GTPBP1: variants seen among roughly 807,000 people sequenced by gnomAD.
GTPBP1 encodes the protein GTP binding protein 1.
A neutral mutation model predicts 62.0 loss-of-function variants in GTPBP1; 23 were observed. That is an observed-to-expected ratio of 0.37 (90% CI 0.27 to 0.53). GTPBP1 has a LOEUF of 0.53. GTPBP1 is among the 20% of genes least tolerant of loss of function. The pLI, the probability that GTPBP1 is intolerant of heterozygous loss-of-function variation, is 0.89. For missense variants in GTPBP1, 640 were observed against 917.3 expected (o/e 0.70, Z 3.90); for synonymous variants, 344 against 364.4 (o/e 0.94, Z 0.64).
chr22:38,727,359 A>C lies in GTPBP1; in HGVS notation c.1537+11A>C. On this transcript the variant is annotated intron_variant, in intron 9 of 11. Coordinates refer to ENST00000216044, the MANE Select transcript of GTPBP1 (RefSeq NM_004286.5). The surrounding 1 kb of genome is among the most constrained non-coding windows in gnomAD (Gnocchi z 6.5). ...GCTACCAGGCCATGGGTAGGTGTCT[A>C]AGGCCCTGCCAGCCCAGGAGGCCGT... 1.3e-6 allele frequency: 2 copies of C among 1,545,032 alleles called. No individual in the cohort carries two copies. The highest frequency in any genetic ancestry group is 1.7e-6 in the Non-Finnish European group (2 of 1,143,808).
intron 6 of GTPBP1, among the ~76,000 whole-genome samples, chr22:38,724,818 GT>G (rs1226180880): frequency 1.3e-5 from 2 of 152,158 alleles, no homozygotes; most frequent in Non-Finnish European, 2.9e-5. Context: ...TTGTAACTCA[GT>G]TTTTTATACT....
chr22:38,709,387 G>T (rs954151498), intron 2 of GTPBP1, among the ~76,000 whole-genome samples: 2 of 152,170 alleles, frequency 1.3e-5, no homozygotes, highest in Admixed American at 6.5e-5. Flanking sequence ...AGTGTCTGCA[G>T]AACTGTTTGG....
At chr22:38,712,937 A>C (rs753346108) in intron 2 of GTPBP1, among the ~76,000 whole-genome samples, 2 of 152,218 alleles carry the variant, frequency 1.3e-5, no homozygotes, top group Non-Finnish European at 2.9e-5. Context: ...ATTTGAGGAA[A>C]GGCACTGGTT....
chr22:38,739,786 C>G (rs2092838377), downstream of GTPBP1: 3 of 1,613,538 alleles, frequency 1.9e-6, no homozygotes, highest in Admixed American at 1.7e-5. The surrounding 1 kb of genome is among the most constrained non-coding windows in gnomAD (Gnocchi z 6.7). Flanking sequence ...CGCGGCTTCC[C>G]TGGCCGACTT....
In GTPBP1 at chr22:38,730,548, C is replaced by T. The variant is rs1338283652; in HGVS notation, c.1918-64C>T. 3 of 1,110,382 alleles carry T rather than the reference C, an allele frequency of 2.7e-6. No homozygotes were observed. Among genetic ancestry groups the T allele is most frequent in the African/African-American group, 1.5e-5 (1 of 65,688 alleles). The allele number at this position is 1,110,382 out of a possible 1,614,324, so 68.8% of individuals were successfully genotyped here. A position where few individuals can be genotyped will look rare whatever the true frequency, so the allele number is the denominator to read the frequency against. ...GTCCCTGTCTCCCCGCTGCTCAGCACCTCTGCTCTCTGGCCCTGCTCCTGA... is the reference window on the plus strand; with the variant it reads ...GTCCCTGTCTCCCCGCTGCTCAGCATCTCTGCTCTCTGGCCCTGCTCCTGA... On this transcript the variant is annotated intron_variant, in intron 11 of 11. Transcript: ENST00000216044. This position sits in a 1 kb window ranked among gnomAD's most constrained non-coding sequence, Gnocchi z 5.6.
Position 38,706,026 on chromosome 22 carries a change from G to A in GTPBP1, c.71G>A (p.Ser24Asn). ...VPASMFAPEP[S>N]SPGAARAAAA... ...GCCTCTATGTTCGCCCCCGAGCCCAGCTCCCCGGGGGCGGCCAGGGCCGCG... is the reference window on the plus strand; with the variant it reads ...GCCTCTATGTTCGCCCCCGAGCCCAACTCCCCGGGGGCGGCCAGGGCCGCG... Residue 24 changes from serine to asparagine, a missense_variant, in exon 1 of 12, where the codon AGC becomes AAC. Physicochemically the swap from Ser to Asn is conservative, Grantham distance 46 (BLOSUM62 1). This residue lies in a region of GTPBP1 where 215 missense variants were observed against 235.1 expected (regional missense o/e 0.91). Coordinates refer to ENST00000216044, the MANE Select transcript of GTPBP1 (RefSeq NM_004286.5). 1 of 1,415,428 alleles carries A rather than the reference G, an allele frequency of 7.1e-7. No homozygotes were observed. The highest frequency in any genetic ancestry group is 9.2e-7 in the Non-Finnish European group (1 of 1,084,376). The allele number at this position is 1,415,428 out of a possible 1,614,324, so 87.7% of individuals were successfully genotyped here.
Position 38,733,148 on chromosome 22 carries a change from C to A in GTPBP1, c.*2444C>A. On this transcript the variant is annotated 3_prime_UTR_variant, in exon 12 of 12. Coordinates refer to ENST00000216044, the MANE Select transcript of GTPBP1 (RefSeq NM_004286.5). The stretch of plus-strand genomic sequence containing the variant: ...TCCTCTGTCTCTTGGCTGCTTCACT[C>A]CTGCTCTTTGTCCCGACTCTGGCCC... The A allele has an allele frequency of 6.6e-6, 1 of 152,320 alleles. No individual in the cohort carries two copies. The highest frequency in any genetic ancestry group is 1.9e-4 in the East Asian group (1 of 5,200). 9.4% of individuals were successfully genotyped at this position (152,320 alleles called of 1,614,324 possible).
At position 38,722,954 on chromosome 22, in the gene GTPBP1, G is replaced by A. The variant is rs141781795; in HGVS notation, c.958+1089G>A. 5.4e-6 allele frequency: 5 copies of A among 923,160 alleles called. No individual in the cohort carries two copies. In the African/African-American group the frequency reaches 6.5e-5, roughly 12 times the overall value. The allele number at this position is 923,160 out of a possible 1,614,324, so 57.2% of individuals were successfully genotyped here. On this transcript the variant is annotated intron_variant, in intron 5 of 11. Transcript: ENST00000216044. ...TGACTCCATTGGGGTCAGTTATGAA[G>A]AGACCTCTTAGTGCAAGACCAGAAC...
downstream of GTPBP1, chr22:38,739,952 A>G: frequency 1.9e-6 from 3 of 1,608,248 alleles, no homozygotes; most frequent in Non-Finnish European, 2.5e-6. This position sits in a 1 kb window ranked among gnomAD's most constrained non-coding sequence, Gnocchi z 6.7. Flanking sequence ...ACCTATAGGA[A>G]CCCAAAGGGG....
At chr22:38,721,961 C>CTTCTT in intron 5 of GTPBP1, 96 bp downstream of exon 5, 1 of 763,800 alleles carries the variant, frequency 1.3e-6, no homozygotes, top group Non-Finnish European at 1.9e-6. Flanking sequence ...AGCCCAGAAA[C>CTTCTT]TTCTTTTCTT....
At chr22:38,740,199 G>T, downstream of GTPBP1, 1 of 1,455,912 alleles carries the variant, frequency 6.9e-7, no homozygotes, top group Non-Finnish European at 9.1e-7. This position sits in a 1 kb window ranked among gnomAD's most constrained non-coding sequence, Gnocchi z 4.8. Flanking sequence ...CTGCTTTGCA[G>T]GCCCCAGGAC....
intron 2 of GTPBP1, among the ~76,000 whole-genome samples, chr22:38,712,600 T>C (rs1284365543): frequency 6.6e-6 from 1 of 152,242 alleles, no homozygotes; most frequent in Non-Finnish European, 1.5e-5. Flanking sequence ...ATGTGGCCTT[T>C]AGTAATTGGA....
chr22:38,723,731 A>G (rs2092712897), intron 5 of GTPBP1, among the ~76,000 whole-genome samples: 1 of 152,188 alleles, frequency 6.6e-6, no homozygotes, highest in Non-Finnish European at 1.5e-5. Flanking sequence ...GTTGGGCTCT[A>G]CCAGCTAAGC....
Position 38,726,234 on chromosome 22 carries a change from A to G in GTPBP1, c.1219-24A>G. ...GGTCTGTGCTGGGGATGCACTTATG[A>G]GGCCAGGGTCTTCTCCTTGGCAGGG... On this transcript the variant is annotated intron_variant, in intron 7 of 11. Transcript: ENST00000216044. The surrounding 1 kb of genome is among the most constrained non-coding windows in gnomAD (Gnocchi z 4.1). 1 of 1,612,760 alleles carries G rather than the reference A, an allele frequency of 6.2e-7. No individual in the cohort carries two copies. Among genetic ancestry groups the G allele is most frequent in the South Asian group, 1.1e-5 (1 of 91,022 alleles).
chr22:38,730,724 TCACC>T lies in GTPBP1; in HGVS notation c.*21_*24del. ...TGCTGAACCTTCCCCTGGCCCACCC[TCACC>T]ACCCAAGGGGTCATCATCTCTGGCC... is the stretch of plus-strand genomic sequence containing the variant. On this transcript the variant is annotated 3_prime_UTR_variant, in exon 12 of 12. Coordinates refer to ENST00000216044, the MANE Select transcript of GTPBP1 (RefSeq NM_004286.5). This position sits in a 1 kb window ranked among gnomAD's most constrained non-coding sequence, Gnocchi z 5.6. 7.1e-7 allele frequency: 1 copy of T among 1,407,974 alleles called. No homozygotes were observed. The highest frequency in any genetic ancestry group is 9.8e-7 in the Non-Finnish European group (1 of 1,019,082). 87.2% of individuals were successfully genotyped at this position (1,407,974 alleles called of 1,614,324 possible).
chr22:38,736,484 C>A, downstream of GTPBP1: 3 of 839,574 alleles, frequency 3.6e-6, no homozygotes, highest in Non-Finnish European at 5.4e-6. Flanking sequence ...AGATGGCTCC[C>A]CTGCTCCTTC....
chr22:38,722,602 A>C, intron 5 of GTPBP1: 1 of 1,127,118 alleles, frequency 8.9e-7, no homozygotes, highest in Non-Finnish European at 1.2e-6. Context: ...AAAAGGCCTT[A>C]GCCATTTAGA....
At chr22:38,734,537 C>G, downstream of GTPBP1, 2 of 310,624 alleles carry the variant, frequency 6.4e-6, no homozygotes, top group South Asian at 2.4e-5. Context: ...AGCCCTTGAC[C>G]CACAAACACT....
chr22:38,739,569 C>A, downstream of GTPBP1: 1 of 1,291,228 alleles, frequency 7.7e-7, no homozygotes. The surrounding 1 kb of genome is among the most constrained non-coding windows in gnomAD (Gnocchi z 6.7). Flanking sequence ...GGGCACACTG[C>A]CACCCACCCA....
Sources: gnomAD v4.1 joint callset for allele counts (sites outside exome capture counted in the v4.1 genomes callset) on GRCh38, gnomAD v4.1.1 for gene constraint, gnomAD v4.1.1 regional missense constraint, Gnocchi (gnomAD v3.1) non-coding constraint, MANE v1.5 for transcripts, NCBI Gene and HGNC (gene_info 2026-07-23, HGNC 2026-07-21) for gene names.